Variants in DMXL2 observed in about 807,000 individuals in gnomAD.
DMXL2 encodes dmX-like protein 2.
Under a neutral mutation model 331.1 loss-of-function variants are expected in DMXL2, and 103 were observed. The ratio of observed to expected loss-of-function variants is 0.31; its 90% CI spans 0.27 to 0.37. The LOEUF (loss-of-function observed/expected upper bound fraction) is 0.37. Ranked by LOEUF, DMXL2 falls within the 10% of genes least tolerant of loss-of-function variation. The pLI is 1.00. For missense variants in DMXL2, 3,171 were observed against 3,642.9 expected (o/e 0.87, Z 3.33); for synonymous variants, 1,281 against 1,252.1 (o/e 1.02, Z -0.49).
intron 15 of DMXL2, among the ~76,000 whole-genome samples, chr15:51,510,603 A>T (rs1189553984): frequency 6.6e-6 from 1 of 152,206 alleles, no homozygotes; most frequent in African/African-American, 2.4e-5. Context: ...ATATTGTGAA[A>T]ATCGCCATAC....
chr15:51,611,704 T>C (rs1272272501), intron 1 of DMXL2, among the ~76,000 whole-genome samples: 3 of 152,196 alleles, frequency 2.0e-5, no homozygotes, highest in African/African-American at 7.2e-5. Context: ...TATCCCCATC[T>C]ATGAAATTGA....
chr15:51,482,471 A>C (rs1436659123), intron 23 of DMXL2, among the ~76,000 whole-genome samples: 2 of 152,206 alleles, frequency 1.3e-5, no homozygotes, highest in Admixed American at 6.5e-5. Flanking sequence ...ATAGCAGGGT[A>C]AACTCCTAAA....
chr15:51,496,038 TCTCA>T (rs2043152749), intron 18 of DMXL2, among the ~76,000 whole-genome samples: 1 of 152,160 alleles, frequency 6.6e-6, no homozygotes, highest in South Asian at 2.1e-4. Context: ...GGACATGAGA[TCTCA>T]CTATGTTGCC....
chr15:51,530,895 A>G (rs897768901), intron 13 of DMXL2, among the ~76,000 whole-genome samples: 1 of 152,234 alleles, frequency 6.6e-6, no homozygotes, highest in Non-Finnish European at 1.5e-5. Context: ...GGACAAAAAA[A>G]ATGGAAAGAT....
chr15:51,536,848 A>C lies in DMXL2; in HGVS notation c.1632T>G (p.Ser544=). ...CAGAGGGAAATGCAACAGGAATCCG[A>C]GAAGAAAAAGAAACCTGAAAAACAT... ...IFRQVQVSFS[S]RIPVAFPSGD... is the part of the protein sequence containing the mutation. Residue 544 remains serine (S), a synonymous_variant, in exon 12 of 44, where the codon TCT becomes TCG. Transcript: ENST00000560891. 6.3e-7 allele frequency: 1 copy of C among 1,597,164 alleles called. No homozygotes were observed. Among genetic ancestry groups the C allele is most frequent in the Admixed American group, 1.8e-5 (1 of 55,370 alleles).
At chr15:51,571,410 G>C (rs921604693) in intron 2 of DMXL2, among the ~76,000 whole-genome samples, 23 of 152,130 alleles carry the variant, frequency 1.5e-4, no homozygotes, top group Non-Finnish European at 2.4e-4. Flanking sequence ...ACCAGGGCTT[G>C]AACTCAGCTC....
chr15:51,573,535 T>G (rs80274745), intron 2 of DMXL2, among the ~76,000 whole-genome samples: 36,226 of 152,110 alleles, frequency 0.24, 4,913 homozygotes, highest in East Asian at 0.47. Context: ...GATGAGTTCA[T>G]GTCCTTTGCA....
At chr15:51,453,722 A>ATGTTATTAGCAG in intron 40 of DMXL2, 81 bp from the exon 41 acceptor site, 1 of 1,126,112 alleles carries the variant, frequency 8.9e-7, no homozygotes, top group Non-Finnish European at 1.3e-6. Context: ...GTCTGCTAAT[A>ATGTTATTAGCAG]ACATACTATA....
rs182541608 is a variant in DMXL2, at chr15:51,475,473, G to A, written c.6965-881C>T. The stretch of plus-strand genomic sequence containing the variant: ...TGCGCCACTGCACTCCAGCCTGGGC[G>A]ACAGAGCAAGACTCTGTCTCAAAAA... On this transcript the variant is annotated intron_variant, in intron 27 of 43. Transcript: ENST00000560891. 5.3e-5 allele frequency among the ~76,000 whole-genome samples: 8 copies of A among 152,020 alleles called. No individual in the cohort carries two copies. In the East Asian group the frequency reaches 9.7e-4, roughly 18 times the overall value.
At chr15:51,489,162 T>C (rs966773282) in intron 20 of DMXL2, among the ~76,000 whole-genome samples, 3 of 152,214 alleles carry the variant, frequency 2.0e-5, no homozygotes, top group African/African-American at 7.2e-5. Flanking sequence ...CATACTGTCT[T>C]AAACATAAGA....
intron 18 of DMXL2, among the ~76,000 whole-genome samples, chr15:51,495,844 A>G (rs1335619757): frequency 6.8e-6 from 1 of 146,022 alleles, no homozygotes; most frequent in Admixed American, 6.8e-5. Context: ...TATTTTCCAG[A>G]AAAAAAAAAA....
chr15:51,611,034 A>G (rs932620680), intron 1 of DMXL2, among the ~76,000 whole-genome samples: 1 of 152,134 alleles, frequency 6.6e-6, no homozygotes, highest in Non-Finnish European at 1.5e-5. Flanking sequence ...TTAGGGAGAA[A>G]GACAAAAATG....
chr15:51,611,778 G>A (rs1188161671), intron 1 of DMXL2, among the ~76,000 whole-genome samples: 2 of 152,184 alleles, frequency 1.3e-5, no homozygotes, highest in Non-Finnish European at 2.9e-5. Context: ...TGTCTTACAA[G>A]AGGATTGTAA....
chr15:51,516,955 C>A, intron 14 of DMXL2, 123 bp downstream of exon 14: 1 of 769,598 alleles, frequency 1.3e-6, no homozygotes, highest in Admixed American at 2.2e-5. Flanking sequence ...TGGGAATCAA[C>A]ATAAGTTGTC....
intron 1 of DMXL2, among the ~76,000 whole-genome samples, chr15:51,588,243 C>T (rs1199764382): frequency 1.3e-5 from 2 of 151,798 alleles, no homozygotes; most frequent in Non-Finnish European, 2.9e-5. Context: ...CTTCAACTGC[C>T]ACCTCCCAGA....
intron 1 of DMXL2, among the ~76,000 whole-genome samples, chr15:51,621,457 C>CA (rs2054619306): frequency 6.6e-6 from 1 of 152,144 alleles, no homozygotes; most frequent in African/African-American, 2.4e-5. Flanking sequence ...GAACAGTTTA[C>CA]AAAATATATT....
intron 30 of DMXL2, 25 bp from the exon 31 acceptor site, chr15:51,465,676 T>A (rs781533734): frequency 6.7e-7 from 1 of 1,483,624 alleles, no homozygotes; most frequent in Non-Finnish European, 9.2e-7. Context: ...GCAAAAAGAG[T>A]CTTTAAGTGA....
At chr15:51,475,956 C>G (rs1291798512) in intron 27 of DMXL2, among the ~76,000 whole-genome samples, 1 of 152,090 alleles carries the variant, frequency 6.6e-6, no homozygotes, top group Non-Finnish European at 1.5e-5. Context: ...TTTGGGGAAT[C>G]TGGGTGAAAT....
chr15:51,496,107 AG>A (rs2043157203), intron 18 of DMXL2, among the ~76,000 whole-genome samples: 1 of 152,096 alleles, frequency 6.6e-6, no homozygotes, highest in South Asian at 2.1e-4. Context: ...AACCTCCCAA[AG>A]TGCTGCCATT....
Sources: allele counts gnomAD v4.1 joint callset (sites outside exome capture counted in the v4.1 genomes callset), GRCh38; gene constraint gnomAD v4.1.1; transcripts MANE v1.5; gene names NCBI Gene and HGNC (gene_info 2026-07-23, HGNC 2026-07-21).